The following HERC4 variants were observed in gnomAD, a reference collection of about 807,000 sequenced individuals.
The protein encoded by HERC4 is probable E3 ubiquitin-protein ligase HERC4.
In HERC4, 28 loss-of-function variants were observed where a neutral mutation model predicts 124.3. That is an observed-to-expected ratio of 0.23 (90% confidence interval 0.17 to 0.31). The LOEUF (loss-of-function observed/expected upper bound fraction) is 0.31. Ranked by LOEUF, HERC4 falls within the 10% of genes least tolerant of loss-of-function variation. HERC4 has a pLI of 1.00. For missense variants in HERC4, 713 were observed against 1,229.3 expected, an observed-to-expected ratio of 0.58 and a Z score of 6.28; for synonymous variants, 407 against 421.5, an observed-to-expected ratio of 0.97 and a Z score of 0.42.
At chr10:67,960,830 C>G (rs1467807596) in intron 16 of HERC4, 4 of 267,462 alleles carry the variant, frequency 1.5e-5, no homozygotes, top group Non-Finnish European at 2.8e-5. Flanking sequence ...CAAACTTGGG[C>G]ATCTTCAGCA....
At chr10:68,055,469 T>C (rs1464015221) in intron 3 of HERC4, among the ~76,000 whole-genome samples, 3 of 152,138 alleles carry the variant, frequency 2.0e-5, no homozygotes, top group Admixed American at 6.5e-5. Context: ...TGTTGACAAG[T>C]TCATACCCCT....
intron 3 of HERC4, among the ~76,000 whole-genome samples, chr10:68,055,305 G>GGT (rs1474606254): frequency 6.6e-6 from 1 of 152,090 alleles, no homozygotes; most frequent in Non-Finnish European, 1.5e-5. Context: ...AATTTGGAAT[G>GGT]GTACAATCCA....
intron 9 of HERC4, among the ~76,000 whole-genome samples, chr10:67,997,673 A>AT (rs1420322167): frequency 4.6e-5 from 7 of 152,044 alleles, no homozygotes; most frequent in Non-Finnish European, 4.4e-5. Context: ...ATTAGGCTTT[A>AT]TTTTTTTAGT....
chr10:68,030,057 A>G (rs182003810), intron 7 of HERC4, among the ~76,000 whole-genome samples: 18 of 152,042 alleles, frequency 1.2e-4, no homozygotes, highest in Admixed American at 2.6e-4. Flanking sequence ...CTTTTTAATC[A>G]CATGTAACAG....
intron 15 of HERC4, among the ~76,000 whole-genome samples, chr10:67,975,261 A>C (rs183909043): frequency 6.6e-6 from 1 of 152,280 alleles, no homozygotes; most frequent in East Asian, 1.9e-4. Flanking sequence ...AGTGGACTTC[A>C]TGTACATTGT....
intron 3 of HERC4, among the ~76,000 whole-genome samples, chr10:68,050,228 A>G (rs558415580): frequency 4.3e-4 from 65 of 152,316 alleles, no homozygotes; most frequent in African/African-American, 1.4e-3. Flanking sequence ...GTAGTTACTT[A>G]GAAGGGATAT....
In HERC4 at chr10:67,951,109, G is replaced by A. The variant is rs1476155246; in HGVS notation, c.2337+3486C>T. Reference sequence around the variant, plus strand: ...GAGATAGAACTTGAAAGGTCCCAAAGAGATTCATGATAAAGCTTATTACAA... The same window carrying A: ...GAGATAGAACTTGAAAGGTCCCAAAAAGATTCATGATAAAGCTTATTACAA... On this transcript the variant is annotated intron_variant, in intron 19 of 24. Coordinates refer to ENST00000373700, the MANE Select transcript of HERC4 (RefSeq NM_015601.4). Among the ~76,000 whole-genome samples, 4 of 152,142 alleles carry A rather than the reference G, an allele frequency of 2.6e-5. No homozygotes were observed. The East Asian group carries it at 7.7e-4, about 29-fold the overall frequency.
chr10:68,049,507 C>T (rs973416945), intron 3 of HERC4, among the ~76,000 whole-genome samples: 1 of 136,814 alleles, frequency 7.3e-6, no homozygotes, highest in Non-Finnish European at 1.5e-5. Context: ...ATGAGAACTG[C>T]CTGAATCCAG....
Position 67,955,125 on chromosome 10 carries a change from AG to A in HERC4, c.2030del (p.Ala677ValfsTer17). On this transcript the variant is annotated frameshift_variant, in exon 18 of 25. Transcript: ENST00000373700. LOFTEE classifies it high-confidence loss of function. ...QTDAVLQMQM[A>X]IDQAHRQNVS... is the part of the protein sequence containing the mutation. ...CATTCTGCCTGTGGGCCTGATCAAT[AG>A]CCATCTGGAAAACAAAAGATTAACA... 3 of 1,572,362 alleles carry A rather than the reference AG, an allele frequency of 1.9e-6. No homozygotes were observed. Among genetic ancestry groups the A allele is most frequent in the Non-Finnish European group, 2.6e-6 (3 of 1,165,744 alleles).
intron 3 of HERC4, among the ~76,000 whole-genome samples, chr10:68,059,514 T>TA (rs2040750986): frequency 1.7e-5 from 2 of 118,756 alleles, no homozygotes; most frequent in African/African-American, 6.0e-5. Context: ...TATAATATTA[T>TA]ATATCATAAT....
intron 4 of HERC4, among the ~76,000 whole-genome samples, chr10:68,043,899 T>C (rs2039896650): frequency 6.6e-6 from 1 of 152,206 alleles, no homozygotes; most frequent in South Asian, 2.1e-4. Flanking sequence ...ATTTTTTAAT[T>C]GTGAAATAAT....
At chr10:68,018,534 AAAT>A (rs1291745430) in intron 8 of HERC4, among the ~76,000 whole-genome samples, 2 of 151,632 alleles carry the variant, frequency 1.3e-5, no homozygotes, top group African/African-American at 2.4e-5. Flanking sequence ...CGTTAAGTAT[AAAT>A]AATAGAAATA....
intron 8 of HERC4, among the ~76,000 whole-genome samples, chr10:68,024,455 A>C (rs2038799361): frequency 1.3e-5 from 2 of 152,208 alleles, no homozygotes; most frequent in South Asian, 4.1e-4. Context: ...ATAAAAGTGC[A>C]AAGCAACATT....
At chr10:67,949,049 C>T (rs138113358) in intron 19 of HERC4, among the ~76,000 whole-genome samples, 7 of 151,838 alleles carry the variant, frequency 4.6e-5, no homozygotes, top group Non-Finnish European at 7.4e-5. Context: ...GTCAGGAAAT[C>T]GAGATCATCC....
intron 10 of HERC4, 35 bp downstream of exon 10, chr10:67,992,571 G>C: frequency 8.1e-7 from 1 of 1,228,638 alleles, no homozygotes; most frequent in Non-Finnish European, 1.2e-6. Context: ...AAAATTATTG[G>C]AGCTATTTAA....
intron 19 of HERC4, 48 bp downstream of exon 19, chr10:67,954,547 A>G (rs770710959): frequency 6.6e-7 from 1 of 1,505,322 alleles, no homozygotes. Flanking sequence ...ACAGGTATAA[A>G]TACATGGGTA....
At chr10:67,942,703 G>C (rs986253379) in intron 19 of HERC4, among the ~76,000 whole-genome samples, 12 of 152,052 alleles carry the variant, frequency 7.9e-5, no homozygotes, top group Admixed American at 6.6e-4. Flanking sequence ...TAGAAATGGG[G>C]TTTCTCCATG....
intron 9 of HERC4, chr10:68,010,749 T>C (rs1383706172): frequency 1.3e-6 from 2 of 1,489,100 alleles, no homozygotes; most frequent in East Asian, 2.3e-5. Flanking sequence ...TGGCTGAACA[T>C]ATTCCCAAAT....
At chr10:67,971,143 G>C (rs1199357315) in intron 15 of HERC4, among the ~76,000 whole-genome samples, 1 of 151,868 alleles carries the variant, frequency 6.6e-6, no homozygotes, top group Admixed American at 6.6e-5. Context: ...AAATTTAATA[G>C]GAAATTTAAA....
Sources: allele counts gnomAD v4.1 joint callset (sites outside exome capture counted in the v4.1 genomes callset), GRCh38; gene constraint gnomAD v4.1.1; transcripts MANE v1.5; gene names NCBI Gene and HGNC (gene_info 2026-07-23, HGNC 2026-07-21).